SPIN1: variants seen among roughly 807,000 people sequenced by gnomAD.
SPIN1 encodes spindlin 1, also known as spindlin-1.
A neutral mutation model predicts 26.0 loss-of-function variants in SPIN1; 3 were observed. The observed-to-expected ratio is 0.12, with a 90% CI of 0.05 to 0.30. SPIN1 has a LOEUF of 0.30. Ranked by LOEUF, SPIN1 falls within the 10% of genes least tolerant of loss-of-function variation. SPIN1 has a pLI of 1.00. For missense variants in SPIN1, 126 were observed against 333.4 expected, an observed-to-expected ratio of 0.38 and a Z score of 4.84; for synonymous variants, 101 against 116.5, an observed-to-expected ratio of 0.87 and a Z score of 0.86.
At chr9:88,424,905 T>C (rs1274897234) in intron 1 of SPIN1, among the ~76,000 whole-genome samples, 2 of 152,156 alleles carry the variant, frequency 1.3e-5, no homozygotes, top group African/African-American at 2.4e-5. Context: ...AATACCATAA[T>C]CTTCAACAAA....
At chr9:88,465,203 A>G (rs1828640970) in intron 4 of SPIN1, among the ~76,000 whole-genome samples, 1 of 152,222 alleles carries the variant, frequency 6.6e-6, no homozygotes, top group African/African-American at 2.4e-5. Context: ...AAATTGTACC[A>G]TGTAAAATTG....
chr9:88,423,922 T>C (rs1361663969), intron 1 of SPIN1, among the ~76,000 whole-genome samples: 1 of 152,020 alleles, frequency 6.6e-6, no homozygotes, highest in African/African-American at 2.4e-5. Context: ...TACGCCACCA[T>C]GTTCGGCTAA....
chr9:88,431,274 TTCTC>T (rs972578412), intron 2 of SPIN1, among the ~76,000 whole-genome samples: 33 of 151,540 alleles, frequency 2.2e-4, no homozygotes, highest in African/African-American at 5.3e-4. Flanking sequence ...TAACAAATAT[TTCTC>T]TCTCTCTCTC....
chr9:88,473,236 T>TA (rs1261273785), intron 5 of SPIN1, among the ~76,000 whole-genome samples: 1 of 144,130 alleles, frequency 6.9e-6, no homozygotes, highest in East Asian at 1.9e-4. Flanking sequence ...CTACTAAAAA[T>TA]AAAAAAATTA....
intron 5 of SPIN1, among the ~76,000 whole-genome samples, chr9:88,469,826 G>A (rs1828741434): frequency 6.6e-6 from 1 of 152,136 alleles, no homozygotes; most frequent in Non-Finnish European, 1.5e-5. Flanking sequence ...GAGCCATTAC[G>A]ACCATGTTAG....
chr9:88,440,657 C>T (rs1313834939), intron 2 of SPIN1, among the ~76,000 whole-genome samples: 1 of 149,710 alleles, frequency 6.7e-6, no homozygotes, highest in East Asian at 1.9e-4. Context: ...CAGCGTACTG[C>T]AACCTCCGCC....
intron 2 of SPIN1, among the ~76,000 whole-genome samples, chr9:88,442,696 T>TTTC (rs1225851229): frequency 1.3e-5 from 2 of 152,128 alleles, no homozygotes; most frequent in African/African-American, 4.8e-5. Flanking sequence ...AGATTTTTTT[T>TTTC]TTCTTTACCT....
At chr9:88,421,428 G>T (rs1587787730) in intron 1 of SPIN1, among the ~76,000 whole-genome samples, 1 of 152,070 alleles carries the variant, frequency 6.6e-6, no homozygotes, top group East Asian at 1.9e-4. Flanking sequence ...TCAGCCTCCT[G>T]AGTAGCTGGT....
chr9:88,407,307 A>AT (rs1402996652), intron 1 of SPIN1, among the ~76,000 whole-genome samples: 5 of 151,346 alleles, frequency 3.3e-5, no homozygotes, highest in South Asian at 2.1e-4. Flanking sequence ...TGCTTGGCTA[A>AT]TTTTTTTTGT....
At chr9:88,408,817 G>A (rs2117947444) in intron 1 of SPIN1, among the ~76,000 whole-genome samples, 1 of 151,296 alleles carries the variant, frequency 6.6e-6, no homozygotes, top group East Asian at 1.9e-4. Context: ...GGGATTACAG[G>A]CACCTGCCAC....
chr9:88,437,219 C>T (rs376504298), intron 2 of SPIN1, among the ~76,000 whole-genome samples: 17 of 150,700 alleles, frequency 1.1e-4, no homozygotes, highest in African/African-American at 2.7e-4. Context: ...TGCTATAGGC[C>T]GGGGGTGGTG....
In SPIN1 at chr9:88,476,304, T is replaced by TCC. The variant is rs1358753890; in HGVS notation, c.*1027_*1028insCC. On this transcript the variant is annotated 3_prime_UTR_variant, in exon 6 of 6. Transcript: ENST00000375859. ...GAATACAATGCTTTTATATTGGAAG[T>TCC]ATAAGTTTTGAGTGGCATTGTTGCC... is the stretch of plus-strand genomic sequence containing the variant. The TCC allele has an allele frequency of 6.6e-6, 1 of 152,226 alleles. No homozygotes were observed. The highest frequency in any genetic ancestry group is 2.4e-5 in the African/African-American group (1 of 41,454). 9.4% of individuals were successfully genotyped at this position (152,226 alleles called of 1,614,324 possible). A position where few individuals can be genotyped will look rare whatever the true frequency, so the allele number is the denominator to read the frequency against.
intron 2 of SPIN1, among the ~76,000 whole-genome samples, chr9:88,431,109 TC>T (rs1369190539): frequency 6.6e-6 from 1 of 152,072 alleles, no homozygotes. Context: ...GATCTTGAAC[TC>T]CTGACCTCAG....
At chr9:88,393,132 CT>C (rs79661252) in intron 1 of SPIN1, among the ~76,000 whole-genome samples, 8,912 of 124,724 alleles carry the variant, frequency 0.071, 816 homozygotes, top group African/African-American at 0.22. Context: ...GTTAAATGTG[CT>C]TTTTTTTTTT....
chr9:88,414,525 C>T (rs1446736868), intron 1 of SPIN1, among the ~76,000 whole-genome samples: 1 of 152,214 alleles, frequency 6.6e-6, no homozygotes, highest in Non-Finnish European at 1.5e-5. Context: ...TGCCTAAGGA[C>T]CAGGCCTAGT....
chr9:88,407,940 T>C (rs139617912), intron 1 of SPIN1, among the ~76,000 whole-genome samples: 1 of 151,986 alleles, frequency 6.6e-6, no homozygotes, highest in Non-Finnish European at 1.5e-5. Context: ...TTTTTGTGGT[T>C]TTTGTACAGA....
At chr9:88,403,002 G>T (rs1483533024) in intron 1 of SPIN1, among the ~76,000 whole-genome samples, 1 of 152,132 alleles carries the variant, frequency 6.6e-6, no homozygotes, top group Non-Finnish European at 1.5e-5. Flanking sequence ...CCTAACTGTG[G>T]TAAGGTGCTA....
rs1325758462 is a variant in SPIN1, at chr9:88,434,359, TATAAAATAGTTTATTTTATAAATTATAAA to T, written c.52+7772_52+7800del. Among the ~76,000 whole-genome samples the T allele has an allele frequency of 8.8e-5, 12 of 135,706 alleles. No homozygotes were observed. In the East Asian group the frequency reaches 1.2e-3, roughly 13 times the overall value. 89.0% of individuals were successfully genotyped at this position (135,706 alleles called of 152,430 possible). Reference sequence around the variant, plus strand: ...TTATAAAATAGTTTATTTTATAAATTATAAAATAGTTTATTTTATAAATTATAAAATAGTTTATTTTATAAATTCATTTT... The same window carrying T: ...TTATAAAATAGTTTATTTTATAAATTATAGTTTATTTTATAAATTCATTTT... On this transcript the variant is annotated intron_variant, in intron 2 of 5. Transcript: ENST00000375859.
chr9:88,445,519 T>TTAC (rs1828231080), intron 2 of SPIN1, among the ~76,000 whole-genome samples: 1 of 5,242 alleles, frequency 1.9e-4, no homozygotes, highest in Non-Finnish European at 4.2e-4. Context: ...ATTGAGACTT[T>TTAC]TATTATTATT....
Sources: gnomAD v4.1 joint callset for allele counts (sites outside exome capture counted in the v4.1 genomes callset) on GRCh38, gnomAD v4.1.1 for gene constraint, MANE v1.5 for transcripts, NCBI Gene and HGNC (gene_info 2026-07-23, HGNC 2026-07-21) for gene names.